Variants in ZMYM2 observed in about 807,000 individuals in gnomAD.
ZMYM2 encodes the protein zinc finger MYM-type protein 2.
ZMYM2 carries 56 observed loss-of-function variants against 162.8 expected under a neutral mutation model. The observed-to-expected ratio is 0.34, with a 90% CI of 0.28 to 0.43. The LOEUF (loss-of-function observed/expected upper bound fraction) is 0.43. Among genes scored for constraint, ZMYM2 ranks in the 20% least tolerant of loss-of-function variants. ZMYM2 has a pLI of 1.00. For synonymous variants in ZMYM2, 510 were observed against 541.6 expected (o/e 0.94, Z 0.81); for missense variants, 1,275 against 1,621.8 (o/e 0.79, Z 3.67).
intron 2 of ZMYM2, among the ~76,000 whole-genome samples, chr13:19,960,924 A>G (rs977161526): frequency 1.3e-5 from 2 of 152,206 alleles, no homozygotes; most frequent in African/African-American, 2.4e-5. Flanking sequence ...CACATGGTTC[A>G]AAAAATAGTG....
chr13:19,950,763 CTAAA>C, the ZMYM2 span, among the ~76,000 whole-genome samples: 2 of 152,190 alleles, frequency 1.3e-5, no homozygotes, highest in Non-Finnish European at 2.9e-5. Context: ...CAGAAATTCA[CTAAA>C]TAACGGTTGA....
At chr13:19,965,223 T>C in intron 2 of ZMYM2, 7 of 1,291,306 alleles carry the variant, frequency 5.4e-6, no homozygotes, top group Non-Finnish European at 7.1e-6. Flanking sequence ...TTTATAGCCA[T>C]ACATGTGTAT....
At chr13:19,870,533 CTTTCTCTT>C in the ZMYM2 span, among the ~76,000 whole-genome samples, 11 of 70,544 alleles carry the variant, frequency 1.6e-4, no homozygotes, top group East Asian at 2.2e-3. Context: ...CTCTTTCTTT[CTTTCTCTT>C]TCTTTCTTTC....
chr13:19,954,813 GT>G (rs984934698), upstream of ZMYM2, among the ~76,000 whole-genome samples: 12 of 147,866 alleles, frequency 8.1e-5, no homozygotes, highest in South Asian at 1.1e-3. Context: ...AAATATTGTT[GT>G]TTTTTTTTTC....
the ZMYM2 span, among the ~76,000 whole-genome samples, chr13:19,871,533 G>A: frequency 6.6e-6 from 1 of 152,068 alleles, no homozygotes; most frequent in African/African-American, 2.4e-5. Flanking sequence ...GAGTAGCTGG[G>A]ACTACAAGCA....
the ZMYM2 span, among the ~76,000 whole-genome samples, chr13:19,939,703 T>C: frequency 6.6e-6 from 1 of 152,220 alleles, no homozygotes; most frequent in Non-Finnish European, 1.5e-5. Context: ...GAAATATATC[T>C]ATTGTGGAAC....
At chr13:19,876,645 T>C in the ZMYM2 span, among the ~76,000 whole-genome samples, 1 of 152,176 alleles carries the variant, frequency 6.6e-6, no homozygotes, top group East Asian at 1.9e-4. Flanking sequence ...AAAAGTATGA[T>C]AAAATACATA....
the ZMYM2 span, among the ~76,000 whole-genome samples, chr13:19,936,200 G>T: frequency 3.9e-5 from 6 of 152,064 alleles, no homozygotes; most frequent in African/African-American, 7.2e-5. Flanking sequence ...TCATGAAGAG[G>T]GTTCATTTCA....
chr13:19,990,761 A>G (rs1481292226), intron 2 of ZMYM2, among the ~76,000 whole-genome samples: 3 of 152,208 alleles, frequency 2.0e-5, no homozygotes, highest in Non-Finnish European at 4.4e-5. Context: ...TAAGAACTAT[A>G]TAGCCAGTAT....
In ZMYM2 at chr13:20,042,340, T is replaced by A. The variant is rs533050022; in HGVS notation, c.2292+5431T>A. Among the ~76,000 whole-genome samples, 284 of 152,238 alleles carry A rather than the reference T, an allele frequency of 1.9e-3. 1 individual carries two copies. Among genetic ancestry groups the A allele is most frequent in the African/African-American group, 6.5e-3 (272 of 41,560 alleles). ...CTCTGAGAGTCTTTCTTCCGCTTGG[T>A]CTATTTTGCTATTAATACTTATGAT... On this transcript the variant is annotated intron_variant, in intron 12 of 24. Transcript: ENST00000610343.
intron 9 of ZMYM2, chr13:20,028,065 G>A (rs2140270973): frequency 5.6e-6 from 1 of 178,030 alleles, no homozygotes; most frequent in South Asian, 2.0e-4. Flanking sequence ...TTTATTCCAG[G>A]TACTGTGCTC....
intron 21 of ZMYM2, among the ~76,000 whole-genome samples, chr13:20,078,911 A>T (rs907972736): frequency 6.6e-6 from 1 of 152,222 alleles, no homozygotes; most frequent in African/African-American, 2.4e-5. Flanking sequence ...CTCTTTACAG[A>T]TGTTCCAAAA....
chr13:20,009,850 TA>T (rs2140029221), intron 6 of ZMYM2, among the ~76,000 whole-genome samples: 1 of 152,342 alleles, frequency 6.6e-6, no homozygotes, highest in South Asian at 2.1e-4. Flanking sequence ...CACCTTTGAC[TA>T]TTGTGAATAA....
At chr13:20,033,914 A>T (rs987386491) in intron 10 of ZMYM2, among the ~76,000 whole-genome samples, 1 of 152,232 alleles carries the variant, frequency 6.6e-6, no homozygotes, top group Non-Finnish European at 1.5e-5. Flanking sequence ...TATTAGTGCC[A>T]TAATTTTTAT....
chr13:19,918,992 G>T, the ZMYM2 span, among the ~76,000 whole-genome samples: 10 of 152,060 alleles, frequency 6.6e-5, no homozygotes, highest in Non-Finnish European at 1.3e-4. Context: ...TGTCCCATGT[G>T]TTCCCTCTTT....
At chr13:19,970,377 C>G (rs1050333632) in intron 2 of ZMYM2, among the ~76,000 whole-genome samples, 1 of 152,052 alleles carries the variant, frequency 6.6e-6, no homozygotes, top group Non-Finnish European at 1.5e-5. Flanking sequence ...ATGTTACTAA[C>G]TGTAATTACG....
At chr13:19,929,634 A>T in the ZMYM2 span, among the ~76,000 whole-genome samples, 1 of 125,304 alleles carries the variant, frequency 8.0e-6, no homozygotes, top group Non-Finnish European at 1.9e-5. Flanking sequence ...TTGGCATGGT[A>T]CAATGTCTTT....
the ZMYM2 span, among the ~76,000 whole-genome samples, chr13:19,883,804 T>C: frequency 1.0e-3 from 159 of 152,334 alleles, 1 homozygote; most frequent in African/African-American, 3.6e-3. Flanking sequence ...TTGCCCAGGC[T>C]GGAGCGCACG....
At chr13:20,034,138 C>T in intron 10 of ZMYM2, 116 bp from the exon 11 acceptor site, 2 of 951,316 alleles carry the variant, frequency 2.1e-6, no homozygotes, top group Non-Finnish European at 2.8e-6. Flanking sequence ...GAAATCTATC[C>T]CCAAGGGTCT....
Sources: gnomAD v4.1 joint callset for allele counts (sites outside exome capture counted in the v4.1 genomes callset) on GRCh38, gnomAD v4.1.1 for gene constraint, MANE v1.5 for transcripts, NCBI Gene and HGNC (gene_info 2026-07-23, HGNC 2026-07-21) for gene names.